Variants in SLC25A24 observed in about 807,000 individuals in gnomAD.
SLC25A24 encodes the protein mitochondrial adenyl nucleotide antiporter SLC25A24.
Under a neutral mutation model 60.7 loss-of-function variants are expected in SLC25A24, and 49 were observed. The ratio of observed to expected loss-of-function variants is 0.81; its 90% CI spans 0.64 to 1.02. SLC25A24 has a LOEUF of 1.02. Among genes scored for constraint, SLC25A24 ranks in the 50% least tolerant of loss-of-function variants. The probability of loss-of-function intolerance (pLI) is 0.00; values close to 1 mark genes in which losing one functional copy is unlikely to be tolerated. For synonymous variants in SLC25A24, 202 were observed against 200.6 expected, an observed-to-expected ratio of 1.01 and a Z score of -0.06; for missense variants, 564 against 586.3, an observed-to-expected ratio of 0.96 and a Z score of 0.39.
In SLC25A24 at chr1:108,139,130, C is replaced by T. The variant is rs568557298; in HGVS notation, c.1177G>A (p.Ala393Thr). 1 of 1,611,298 alleles carries T rather than the reference C, an allele frequency of 6.2e-7. No individual in the cohort carries two copies. Among genetic ancestry groups the T allele is most frequent in the East Asian group, 2.2e-5 (1 of 44,798 alleles). The change falls in exon 9 of 10, where the codon GCC becomes ACC. Residue 393 changes from alanine (A) to threonine (T), a missense_variant. By Grantham distance (58) the Ala-to-Thr change is moderately conservative. Transcript: ENST00000565488. ...PGVMVLLGCG[A>T]LSSTCGQLAS... is the part of the protein sequence containing the mutation. Reference sequence around the variant, plus strand: ...AGCTGACCACAGGTGCTGGATAAGGCACCGCATCCCAGCAACACCATGACT... The same window carrying T: ...AGCTGACCACAGGTGCTGGATAAGGTACCGCATCCCAGCAACACCATGACT...
chr1:108,148,248 T>A (rs1176423527), intron 7 of SLC25A24, 31 bp downstream of exon 7: 4 of 1,284,478 alleles, frequency 3.1e-6, no homozygotes, highest in South Asian at 1.2e-5. Flanking sequence ...ACGAACACCA[T>A]CACACAGTCA....
At chr1:108,185,052 T>A (rs937691969) in intron 2 of SLC25A24, among the ~76,000 whole-genome samples, 5 of 152,176 alleles carry the variant, frequency 3.3e-5, no homozygotes, top group Non-Finnish European at 5.9e-5. Flanking sequence ...ATGGGACTAG[T>A]GGCTTTTTAA....
chr1:108,180,926 T>G (rs992466610), intron 3 of SLC25A24, among the ~76,000 whole-genome samples: 1 of 152,234 alleles, frequency 6.6e-6, no homozygotes, highest in African/African-American at 2.4e-5. Context: ...GGAATATGAT[T>G]TCTGGCCTAA....
chr1:108,153,879 T>C (rs1679817171), intron 6 of SLC25A24, among the ~76,000 whole-genome samples: 2 of 152,160 alleles, frequency 1.3e-5, no homozygotes, highest in African/African-American at 4.8e-5. Context: ...CTGAAATAAC[T>C]GCATTGAGTA....
intron 3 of SLC25A24, among the ~76,000 whole-genome samples, chr1:108,164,434 G>C (rs1341464910): frequency 6.6e-6 from 1 of 150,954 alleles, no homozygotes; most frequent in Non-Finnish European, 1.5e-5. Flanking sequence ...GACTCTTTTT[G>C]GTTGGTAAGC....
chr1:108,145,905 G>T (rs189289946), intron 7 of SLC25A24, among the ~76,000 whole-genome samples: 1 of 152,212 alleles, frequency 6.6e-6, no homozygotes, highest in East Asian at 1.9e-4. Context: ...AGTTTCATAT[G>T]AAATTTAAGG....
intron 7 of SLC25A24, 84 bp downstream of exon 7, chr1:108,148,195 G>T: frequency 1.2e-6 from 1 of 863,678 alleles, no homozygotes. Flanking sequence ...GTTTTAAACT[G>T]TTAATTTTGG....
intron 3 of SLC25A24, among the ~76,000 whole-genome samples, chr1:108,174,400 A>G (rs772470205): frequency 1.3e-5 from 2 of 152,188 alleles, no homozygotes; most frequent in Non-Finnish European, 2.9e-5. Flanking sequence ...GATAAGAATT[A>G]AGGTTTGAGA....
intron 3 of SLC25A24, 109 bp downstream of exon 3, chr1:108,181,832 A>G: frequency 1.3e-6 from 1 of 753,062 alleles, no homozygotes; most frequent in East Asian, 2.5e-5. Context: ...GATCTTGGAT[A>G]TACATAATGA....
chr1:108,147,457 T>G (rs1440270952), intron 7 of SLC25A24, among the ~76,000 whole-genome samples: 1 of 152,238 alleles, frequency 6.6e-6, no homozygotes, highest in Admixed American at 6.5e-5. Flanking sequence ...CGCTATCTTT[T>G]GAATTTGTTT....
intron 3 of SLC25A24, among the ~76,000 whole-genome samples, chr1:108,165,504 T>C (rs1680223703): frequency 6.6e-6 from 1 of 152,274 alleles, no homozygotes; most frequent in East Asian, 1.9e-4. Context: ...ATATTTAGGA[T>C]AGTTAGCTCT....
rs151204141 is a variant in SLC25A24, at chr1:108,192,573, C to T, written c.184-6619G>A. 425 of 1,499,498 alleles carry T rather than the reference C, an allele frequency of 2.8e-4. 41 individuals carry two copies. The African/African-American group carries it at 5.1e-3, about 18-fold the overall frequency. 92.9% of individuals were successfully genotyped at this position (1,499,498 alleles called of 1,614,324 possible). The stretch of plus-strand genomic sequence containing the variant: ...AGCTCAAAAATGTCCAAGGTCCCAT[C>T]CTTGTTATAGTCCAGGTACCAAAAG... On this transcript the variant is annotated intron_variant, in intron 1 of 9. Transcript: ENST00000565488.
At chr1:108,145,826 C>A (rs1334359003) in intron 7 of SLC25A24, among the ~76,000 whole-genome samples, 3 of 152,144 alleles carry the variant, frequency 2.0e-5, no homozygotes, top group Non-Finnish European at 2.9e-5. Flanking sequence ...TGTTTGAAGT[C>A]AGGTAGCGTG....
chr1:108,164,286 T>C (rs1214423058), intron 3 of SLC25A24, among the ~76,000 whole-genome samples: 1 of 152,092 alleles, frequency 6.6e-6, no homozygotes, highest in African/African-American at 2.4e-5. Flanking sequence ...GGCTTTGGTA[T>C]CAGGATGATG....
chr1:108,144,733 A>C (rs1191529138), intron 7 of SLC25A24, among the ~76,000 whole-genome samples: 1 of 152,158 alleles, frequency 6.6e-6, no homozygotes. Flanking sequence ...TTCCAGCTTC[A>C]TCCATGTCCC....
intron 3 of SLC25A24, among the ~76,000 whole-genome samples, chr1:108,171,777 CAT>C (rs755623719): frequency 1.8e-4 from 28 of 152,298 alleles, no homozygotes; most frequent in Non-Finnish European, 3.7e-4. Flanking sequence ...AAGTATTTCA[CAT>C]GTTAACTCAT....
chr1:108,190,905 A>T (rs1471776363), intron 1 of SLC25A24, among the ~76,000 whole-genome samples: 1 of 138,784 alleles, frequency 7.2e-6, no homozygotes, highest in Non-Finnish European at 1.6e-5. Context: ...GGGTTTTGAC[A>T]TGTGAACCCT....
intron 7 of SLC25A24, among the ~76,000 whole-genome samples, chr1:108,145,397 G>A (rs1679558574): frequency 6.6e-6 from 1 of 152,094 alleles, no homozygotes; most frequent in South Asian, 2.1e-4. Flanking sequence ...CTTTTGCTGT[G>A]CAGAAGATCT....
chr1:108,167,939 T>C (rs1389150952), intron 3 of SLC25A24, among the ~76,000 whole-genome samples: 1 of 152,232 alleles, frequency 6.6e-6, no homozygotes, highest in East Asian at 1.9e-4. Context: ...TGTATCTGTT[T>C]TCTCCTAAGA....
Sources: allele counts gnomAD v4.1 joint callset (sites outside exome capture counted in the v4.1 genomes callset), GRCh38; gene constraint gnomAD v4.1.1; transcripts MANE v1.5; gene names NCBI Gene and HGNC (gene_info 2026-07-23, HGNC 2026-07-21).